Variants in WDPCP observed in about 807,000 individuals in gnomAD.
WDPCP encodes the protein WD repeat-containing and planar cell polarity effector protein fritz homolog.
In WDPCP, 71 loss-of-function variants were observed where a neutral mutation model predicts 93.1. The ratio of observed to expected loss-of-function variants is 0.76; its 90% confidence interval spans 0.63 to 0.93. The LOEUF is 0.93. Among genes scored for constraint, WDPCP ranks in the 40% least tolerant of loss-of-function variants. The pLI is 0.00. For missense variants in WDPCP, 844 were observed against 887.4 expected (o/e 0.95, Z 0.62); for synonymous variants, 315 against 315.0 (o/e 1.00, Z 0.00).
Position 63,823,977 on chromosome 2 carries a change from C to CTG in WDPCP, n.222+3644_222+3645insCA, listed in dbSNP as rs544605825. Among the ~76,000 whole-genome samples the CTG allele has an allele frequency of 8.3e-3, 1,269 of 151,976 alleles. 7 individuals carry two copies. Among genetic ancestry groups the CTG allele is most frequent in the Non-Finnish European group, 0.01 (682 of 67,916 alleles). On this transcript the variant is annotated intron_variant and non_coding_transcript_variant, in intron 1 of 4. Transcript: ENST00000467687. Reference sequence around the variant, plus strand: ...TTGCTTGAGCCCAGGGGTTTGAGACCAGCCTGAGCAACATAGGGAGACCCC... The same window carrying CTG: ...TTGCTTGAGCCCAGGGGTTTGAGACCTGAGCCTGAGCAACATAGGGAGACCCC...
At chr2:63,556,160 T>G (rs1293903649) in intron 1 of WDPCP, among the ~76,000 whole-genome samples, 1 of 152,124 alleles carries the variant, frequency 6.6e-6, no homozygotes, top group East Asian at 1.9e-4. Flanking sequence ...ATCAATGACC[T>G]GATGGAGCTG....
chr2:63,778,793 G>C (rs557399797), intron 2 of WDPCP, among the ~76,000 whole-genome samples: 8 of 152,128 alleles, frequency 5.3e-5, no homozygotes, highest in African/African-American at 1.9e-4. Flanking sequence ...TGTTGGTTCT[G>C]AGAATCTCCG....
At chr2:63,374,645 T>G (rs949458243) in intron 12 of WDPCP, among the ~76,000 whole-genome samples, 5 of 152,196 alleles carry the variant, frequency 3.3e-5, no homozygotes, top group Non-Finnish European at 7.3e-5. Context: ...ATATTTTACA[T>G]AAGCTAAAAG....
chr2:63,642,768 A>G (rs1207006743), intron 3 of WDPCP: 1 of 152,166 alleles, frequency 6.6e-6, no homozygotes, highest in Non-Finnish European at 1.5e-5. Flanking sequence ...TCTTCAAACA[A>G]TGATAATTTT....
At chr2:63,673,121 G>A (rs1214341059) in intron 2 of WDPCP, among the ~76,000 whole-genome samples, 1 of 152,136 alleles carries the variant, frequency 6.6e-6, no homozygotes, top group African/African-American at 2.4e-5. Context: ...GTGTTAATTA[G>A]CATAATACCT....
At chr2:63,836,713 G>A in the WDPCP span, among the ~76,000 whole-genome samples, 1 of 152,086 alleles carries the variant, frequency 6.6e-6, no homozygotes, top group South Asian at 2.1e-4. Context: ...TTGCACATGA[G>A]AGAAATACAA....
the WDPCP span, among the ~76,000 whole-genome samples, chr2:63,839,436 C>A: frequency 1.3e-5 from 2 of 152,148 alleles, no homozygotes; most frequent in Non-Finnish European, 2.9e-5. Context: ...CACGAGCCTG[C>A]GGCCCCAGCT....
chr2:63,150,434 T>C (rs565362037), intron 17 of WDPCP, among the ~76,000 whole-genome samples: 195 of 152,156 alleles, frequency 1.3e-3, no homozygotes, highest in Non-Finnish European at 1.6e-3. Context: ...CATCCTACAA[T>C]GCACAGGACA....
chr2:63,260,546 C>G (rs1377371907), intron 13 of WDPCP, among the ~76,000 whole-genome samples: 1 of 151,916 alleles, frequency 6.6e-6, no homozygotes, highest in Non-Finnish European at 1.5e-5. Context: ...TTGGTTAAGA[C>G]TTTATTTATT....
At position 63,752,149 on chromosome 2, in the gene WDPCP, A is replaced by G. The variant is rs990279905; in HGVS notation, n.308+61473T>C. On this transcript the variant is annotated intron_variant and non_coding_transcript_variant, in intron 2 of 4. Transcript: ENST00000467687. ...CACACGACGGTATTTCTGAATGACA[A>G]TTTTATCCACGGAGTCATGGTCATC... is the stretch of plus-strand genomic sequence containing the variant. 3.2e-4 allele frequency: 199 copies of G among 620,230 alleles called. 5 individuals carry two copies. The highest frequency in any genetic ancestry group is 3.1e-4 in the Non-Finnish European group (106 of 342,480). 38.4% of individuals were successfully genotyped at this position (620,230 alleles called of 1,614,324 possible).
intron 2 of WDPCP, among the ~76,000 whole-genome samples, chr2:63,703,019 G>A (rs1240096939): frequency 1.3e-5 from 2 of 152,020 alleles, no homozygotes; most frequent in African/African-American, 2.4e-5. Context: ...ATGGTTTCAA[G>A]CTTCATCCAT....
rs556102855 is a variant in WDPCP at position 63,187,650 on chromosome 2, T to TTA, written c.1916-12820_1916-12819dup. ...TTATGTTATTGTCATAAATTACCTG[T>TTA]TATATATATTGTGTACCAATTAACA... On this transcript the variant is annotated intron_variant, in intron 14 of 17. Transcript: ENST00000272321. 1.5e-3 allele frequency among the ~76,000 whole-genome samples: 221 copies of TTA among 152,336 alleles called. 2 individuals carry two copies. Among genetic ancestry groups the TTA allele is most frequent in the African/African-American group, 4.7e-3 (196 of 41,586 alleles).
chr2:63,318,853 A>T (rs1233260557), intron 12 of WDPCP, among the ~76,000 whole-genome samples: 1 of 152,188 alleles, frequency 6.6e-6, no homozygotes, highest in Non-Finnish European at 1.5e-5. Flanking sequence ...TGATGAAATA[A>T]GCTGTACACC....
At chr2:63,177,342 C>T (rs571893797) in intron 14 of WDPCP, among the ~76,000 whole-genome samples, 8 of 152,162 alleles carry the variant, frequency 5.3e-5, no homozygotes, top group Non-Finnish European at 1.2e-4. Context: ...GCAATACTGA[C>T]ATTTTAACAA....
chr2:63,471,093 T>G (rs773363967), intron 6 of WDPCP, among the ~76,000 whole-genome samples: 14 of 152,228 alleles, frequency 9.2e-5, no homozygotes, highest in Non-Finnish European at 1.9e-4. Context: ...AGTTGCACTC[T>G]CTTACATATT....
rs185653206 is a variant in WDPCP at position 63,469,245 on chromosome 2, G to A, written c.384+15359C>T. On this transcript the variant is annotated intron_variant, in intron 6 of 17. Coordinates refer to ENST00000272321, the MANE Select transcript of WDPCP (RefSeq NM_015910.7). The stretch of plus-strand genomic sequence containing the variant: ...GAAAAGGAATGCTTATACACTGTTG[G>A]TGGGGGTGTAAATTAGTTCAACCAC... Among the ~76,000 whole-genome samples, 74 of 152,216 alleles carry A rather than the reference G, an allele frequency of 4.9e-4. 1 individual carries two copies. Among genetic ancestry groups the A allele is most frequent in the Non-Finnish European group, 8.1e-4 (55 of 68,030 alleles).
At chr2:63,795,861 C>T (rs556921137) in intron 2 of WDPCP, among the ~76,000 whole-genome samples, 2 of 152,288 alleles carry the variant, frequency 1.3e-5, no homozygotes, top group African/African-American at 2.4e-5. Context: ...CATCCATCTC[C>T]GATTATTCCT....
intron 13 of WDPCP, among the ~76,000 whole-genome samples, chr2:63,275,697 G>A (rs1683029689): frequency 6.6e-6 from 1 of 152,114 alleles, no homozygotes; most frequent in Non-Finnish European, 1.5e-5. Context: ...AGACCTGTAT[G>A]AGGAAAATGA....
intron 2 of WDPCP, among the ~76,000 whole-genome samples, chr2:63,700,292 AAAAAAAAAAAAC>A (rs1230362951): frequency 2.0e-4 from 30 of 147,572 alleles, no homozygotes; most frequent in African/African-American, 6.0e-4. Flanking sequence ...CAAAAAAAAA[AAAAAAAAAAAAC>A]AAAAAGAAAA....
Sources: allele counts gnomAD v4.1 joint callset (sites outside exome capture counted in the v4.1 genomes callset), GRCh38; gene constraint gnomAD v4.1.1; transcripts MANE v1.5; gene names NCBI Gene and HGNC (gene_info 2026-07-23, HGNC 2026-07-21).